Variants in TUSC3 observed in about 807,000 individuals in gnomAD.
TUSC3 encodes the protein dolichyl-diphosphooligosaccharide--protein glycosyltransferase subunit TUSC3.
A neutral mutation model predicts 44.8 loss-of-function variants in TUSC3; 45 were observed. That is an observed-to-expected ratio of 1.00 (90% confidence interval 0.79 to 1.29). The LOEUF (loss-of-function observed/expected upper bound fraction) is 1.29. Ranked by LOEUF, TUSC3 falls within the 50% of genes most tolerant of loss-of-function variation. The pLI is 0.00. For synonymous variants in TUSC3, 212 were observed against 152.9 expected (o/e 1.39, Z -2.85); for missense variants, 519 against 437.9 (o/e 1.19, Z -1.65).
Position 15,650,820 on chromosome 8 carries a change from G to C in TUSC3, c.426+6G>C. 2 of 1,608,030 alleles carry C rather than the reference G, an allele frequency of 1.2e-6. No individual in the cohort carries two copies. The highest frequency in any genetic ancestry group is 1.7e-6 in the Non-Finnish European group (2 of 1,174,498). On this transcript the variant is annotated splice_donor_region_variant and intron_variant, in intron 3 of 10. Transcript: ENST00000503731. ...GGACAGACGTTTTTCAGCAGGTAAA[G>C]AGTTATATCGTATTCATATATTTAA... is the stretch of plus-strand genomic sequence containing the variant.
At chr8:15,468,048 T>G (rs953303665) in intron 1 of TUSC3, among the ~76,000 whole-genome samples, 12 of 152,142 alleles carry the variant, frequency 7.9e-5, no homozygotes, top group Admixed American at 6.5e-5. Flanking sequence ...TGATTAGTAA[T>G]TAAAAAGAGA....
the TUSC3 span, among the ~76,000 whole-genome samples, chr8:15,792,796 T>A: frequency 2.0e-5 from 3 of 151,944 alleles, no homozygotes; most frequent in Non-Finnish European, 4.4e-5. Flanking sequence ...TTTTTGTAGT[T>A]TTAGTAGAAA....
At chr8:15,449,920 A>G (rs1279462885) in intron 1 of TUSC3, among the ~76,000 whole-genome samples, 1 of 152,074 alleles carries the variant, frequency 6.6e-6, no homozygotes, top group Non-Finnish European at 1.5e-5. Context: ...TGTGGTATTC[A>G]GTGTAGTCAT....
chr8:15,587,054 C>G (rs760737184), intron 1 of TUSC3, among the ~76,000 whole-genome samples: 2 of 152,114 alleles, frequency 1.3e-5, no homozygotes, highest in Admixed American at 6.6e-5. Flanking sequence ...TTACTCCCTT[C>G]GACATGCCTA....
At chr8:15,660,407 A>G (rs1280821212) in intron 4 of TUSC3, among the ~76,000 whole-genome samples, 1 of 152,066 alleles carries the variant, frequency 6.6e-6, no homozygotes, top group Non-Finnish European at 1.5e-5. Flanking sequence ...AAATATGAGT[A>G]TAGATTGACA....
intron 1 of TUSC3, among the ~76,000 whole-genome samples, chr8:15,589,023 G>T (rs1227382963): frequency 1.3e-5 from 2 of 152,136 alleles, no homozygotes; most frequent in African/African-American, 4.8e-5. Flanking sequence ...GCTTAGGATT[G>T]TTTTGGTTAT....
chr8:15,820,611 G>A, the TUSC3 span, among the ~76,000 whole-genome samples: 1 of 152,030 alleles, frequency 6.6e-6, no homozygotes, highest in East Asian at 1.9e-4. Context: ...AGCCACGGCA[G>A]CCAGCCTCTG....
chr8:15,452,197 C>G (rs1023946632), intron 1 of TUSC3, among the ~76,000 whole-genome samples: 8 of 152,174 alleles, frequency 5.3e-5, no homozygotes, highest in African/African-American at 1.9e-4. Flanking sequence ...TATAATTTCA[C>G]ATTTAATTTC....
chr8:15,501,063 C>CA (rs78742069), intron 2 of TUSC3, among the ~76,000 whole-genome samples: 8,000 of 152,196 alleles, frequency 0.053, 260 homozygotes, highest in East Asian at 0.13. Context: ...AAGTCTAAGA[C>CA]AGACAGTTTA....
chr8:15,816,928 T>C, the TUSC3 span, among the ~76,000 whole-genome samples: 79 of 152,344 alleles, frequency 5.2e-4, no homozygotes, highest in African/African-American at 1.8e-3. Context: ...AAATTCATTA[T>C]TTCTATTTTT....
At chr8:15,583,028 T>A (rs2129147433) in intron 1 of TUSC3, among the ~76,000 whole-genome samples, 1 of 152,296 alleles carries the variant, frequency 6.6e-6, no homozygotes, top group Non-Finnish European at 1.5e-5. Context: ...CATGTAAAGA[T>A]ACATGTAGCT....
At chr8:15,456,572 G>A (rs937648844) in intron 1 of TUSC3, among the ~76,000 whole-genome samples, 4 of 152,000 alleles carry the variant, frequency 2.6e-5, no homozygotes, top group Non-Finnish European at 5.9e-5. Flanking sequence ...AAAATTATTC[G>A]TGAGCTAGAA....
At chr8:15,609,080 T>C (rs1161873465) in intron 1 of TUSC3, among the ~76,000 whole-genome samples, 1 of 152,208 alleles carries the variant, frequency 6.6e-6, no homozygotes, top group Non-Finnish European at 1.5e-5. Context: ...TTTTTCTTTG[T>C]TTTGACGATG....
intron 6 of TUSC3, among the ~76,000 whole-genome samples, chr8:15,699,386 C>T (rs1219956404): frequency 6.6e-6 from 1 of 152,166 alleles, no homozygotes; most frequent in African/African-American, 2.4e-5. Context: ...TCTCTCACCA[C>T]TGTTTCTTGC....
intron 2 of TUSC3, among the ~76,000 whole-genome samples, chr8:15,629,320 G>A (rs1805654127): frequency 6.6e-6 from 1 of 152,112 alleles, no homozygotes; most frequent in Non-Finnish European, 1.5e-5. Flanking sequence ...TGGTAGAGAA[G>A]TGGTCTTGAG....
At chr8:15,774,186 G>C in the TUSC3 span, among the ~76,000 whole-genome samples, 1 of 151,960 alleles carries the variant, frequency 6.6e-6, no homozygotes, top group African/African-American at 2.4e-5. Context: ...CAAATCAATA[G>C]CCAAAAGACA....
At chr8:15,658,777 A>C (rs113836550) in intron 3 of TUSC3, among the ~76,000 whole-genome samples, 18 of 152,032 alleles carry the variant, frequency 1.2e-4, no homozygotes, top group African/African-American at 4.1e-4. Context: ...ATATGTTTTT[A>C]GATATTGTTA....
chr8:15,518,479 G>C (rs924836683), intron 2 of TUSC3, among the ~76,000 whole-genome samples: 2 of 151,840 alleles, frequency 1.3e-5, no homozygotes, highest in Admixed American at 6.6e-5. Context: ...ACTATATATG[G>C]GATATTATAT....
At chr8:15,548,379 A>G (rs897168123) in intron 1 of TUSC3, among the ~76,000 whole-genome samples, 3 of 151,866 alleles carry the variant, frequency 2.0e-5, no homozygotes, top group Non-Finnish European at 4.4e-5. Flanking sequence ...TTGTTTTAGA[A>G]GTGAGTATAT....
Sources: gnomAD v4.1 joint callset for allele counts (sites outside exome capture counted in the v4.1 genomes callset) on GRCh38, gnomAD v4.1.1 for gene constraint, MANE v1.5 for transcripts, NCBI Gene and HGNC (gene_info 2026-07-23, HGNC 2026-07-21) for gene names.